The following CACNG2 variants were observed in gnomAD, a reference collection of about 807,000 sequenced individuals.
The protein encoded by CACNG2 is voltage-dependent calcium channel gamma-2 subunit.
Under a neutral mutation model 25.9 loss-of-function variants are expected in CACNG2, and 3 were observed. That is an observed-to-expected ratio of 0.12 (90% confidence interval 0.05 to 0.30). CACNG2 has a LOEUF of 0.30. Ranked by LOEUF, CACNG2 falls within the 10% of genes least tolerant of loss-of-function variation. The probability of loss-of-function intolerance (pLI) is 1.00; values close to 1 mark genes in which losing one functional copy is unlikely to be tolerated. For synonymous variants in CACNG2, 167 were observed against 173.3 expected, an observed-to-expected ratio of 0.96 and a Z score of 0.29; for missense variants, 341 against 432.5, an observed-to-expected ratio of 0.79 and a Z score of 1.88.
chr22:36,608,203 G>A lies in CACNG2; in HGVS notation c.212-20655C>T, dbSNP rs1482682634. On this transcript the variant is annotated intron_variant, in intron 1 of 3. Transcript: ENST00000300105. ...GAAGAGAGAATTTCTACAGTAGCTG[G>A]GATTCTGAGGTTCCTTCTATCCCTT... Among the ~76,000 whole-genome samples the A allele has an allele frequency of 2.5e-4, 38 of 152,104 alleles. 1 individual carries two copies. The highest frequency in any genetic ancestry group is 2.9e-5 in the Non-Finnish European group (2 of 68,010).
intron 1 of CACNG2, among the ~76,000 whole-genome samples, chr22:36,685,803 C>A (rs1253410979): frequency 1.3e-5 from 2 of 152,252 alleles, no homozygotes; most frequent in African/African-American, 4.8e-5. Flanking sequence ...CTCCCTTCCT[C>A]CGTCCATCTT....
intron 1 of CACNG2, among the ~76,000 whole-genome samples, chr22:36,614,090 C>T (rs1935986310): frequency 6.6e-6 from 1 of 152,202 alleles, no homozygotes; most frequent in Admixed American, 6.5e-5. Context: ...AGCTGCCTCT[C>T]CTCAGTGCCT....
intron 1 of CACNG2, among the ~76,000 whole-genome samples, chr22:36,657,726 G>A (rs1045450199): frequency 6.6e-6 from 1 of 151,912 alleles, no homozygotes; most frequent in African/African-American, 2.4e-5. Context: ...GCCCGCAAAT[G>A]GACAGTGGCG....
chr22:36,668,515 A>G (rs9607369), intron 1 of CACNG2, among the ~76,000 whole-genome samples: 36,488 of 149,416 alleles, frequency 0.24, 4,595 homozygotes, highest in Middle Eastern at 0.33. Flanking sequence ...TTGAGATAGG[A>G]TCTTGCTCTG....
At chr22:36,593,738 A>C (rs1199954082) in intron 1 of CACNG2, among the ~76,000 whole-genome samples, 2 of 152,004 alleles carry the variant, frequency 1.3e-5, no homozygotes, top group Non-Finnish European at 2.9e-5. Context: ...ACTGGGATAC[A>C]GGTCACTGTG....
intron 1 of CACNG2, among the ~76,000 whole-genome samples, chr22:36,614,678 C>T (rs752061564): frequency 2.0e-5 from 3 of 152,102 alleles, no homozygotes; most frequent in Non-Finnish European, 4.4e-5. Context: ...GTGGGAGCAG[C>T]AAGTGGTGAG....
rs537809178 is a variant in CACNG2, at chr22:36,664,234, A to G, written c.211+38132T>C. On this transcript the variant is annotated intron_variant, in intron 1 of 3. Transcript: ENST00000300105. Reference sequence around the variant, plus strand: ...AGCCAAGAAGGTCAGACACACACACACACCCATACACACACGCACAGAATG... The same window carrying G: ...AGCCAAGAAGGTCAGACACACACACGCACCCATACACACACGCACAGAATG... Among the ~76,000 whole-genome samples, 8 of 152,120 alleles carry G rather than the reference A, an allele frequency of 5.3e-5. No individual in the cohort carries two copies. In the East Asian group the frequency reaches 1.5e-3, roughly 29 times the overall value.
chr22:36,580,573 T>C (rs904788604), intron 2 of CACNG2, among the ~76,000 whole-genome samples: 3 of 152,050 alleles, frequency 2.0e-5, no homozygotes, highest in Non-Finnish European at 2.9e-5. Context: ...TCACACCCCC[T>C]GGAGGGAGTA....
In CACNG2 at chr22:36,575,774, T is replaced by C. The variant is rs141797673; in HGVS notation, c.296-9281A>G. Among the ~76,000 whole-genome samples the C allele has an allele frequency of 1.8e-4, 27 of 152,238 alleles. No homozygotes were observed. The East Asian group carries it at 5.0e-3, about 28-fold the overall frequency. On this transcript the variant is annotated intron_variant, in intron 2 of 3. Transcript: ENST00000300105. ...CTGCCTTACCTGTTCCCTGTGCGAGTAATGACCTTGAATCAAAATAGTCAC... is the reference window on the plus strand; with the variant it reads ...CTGCCTTACCTGTTCCCTGTGCGAGCAATGACCTTGAATCAAAATAGTCAC...
intron 2 of CACNG2, among the ~76,000 whole-genome samples, chr22:36,574,851 G>T (rs1023359386): frequency 2.6e-5 from 4 of 152,184 alleles, no homozygotes; most frequent in African/African-American, 9.6e-5. Context: ...GAAGATCAAA[G>T]GTTTGGTTTT....
At chr22:36,581,689 T>C (rs1169936098) in intron 2 of CACNG2, among the ~76,000 whole-genome samples, 1 of 152,222 alleles carries the variant, frequency 6.6e-6, no homozygotes, top group Admixed American at 6.5e-5. Context: ...CGTGGTGTCC[T>C]GGAGCTTAGT....
chr22:36,595,301 C>G (rs746443851), intron 1 of CACNG2, among the ~76,000 whole-genome samples: 3 of 152,116 alleles, frequency 2.0e-5, no homozygotes, highest in South Asian at 2.1e-4. Context: ...AGAGAGGGCC[C>G]GAAGCCAGCA....
chr22:36,633,996 G>T (rs1316758662), intron 1 of CACNG2, among the ~76,000 whole-genome samples: 1 of 152,190 alleles, frequency 6.6e-6, no homozygotes, highest in Non-Finnish European at 1.5e-5. Context: ...GGACCCCAGT[G>T]ATGGTTGCCA....
At chr22:36,621,532 C>T (rs1007957508) in intron 1 of CACNG2, among the ~76,000 whole-genome samples, 2 of 149,766 alleles carry the variant, frequency 1.3e-5, no homozygotes, top group South Asian at 4.2e-4. Context: ...ATGGTGCCAC[C>T]GTACTCCAGC....
chr22:36,615,420 T>C (rs1352555360), intron 1 of CACNG2, among the ~76,000 whole-genome samples: 2 of 152,148 alleles, frequency 1.3e-5, no homozygotes, highest in Non-Finnish European at 2.9e-5. Flanking sequence ...CCACACTGGA[T>C]TCCTGATTTC....
At chr22:36,619,484 G>T (rs1936074289) in intron 1 of CACNG2, among the ~76,000 whole-genome samples, 1 of 152,214 alleles carries the variant, frequency 6.6e-6, no homozygotes, top group South Asian at 2.1e-4. Context: ...TGTCTATTGA[G>T]TTCACTACGC....
chr22:36,663,628 G>A (rs1241701093), intron 1 of CACNG2, among the ~76,000 whole-genome samples: 4 of 152,176 alleles, frequency 2.6e-5, no homozygotes, highest in Non-Finnish European at 1.5e-5. Flanking sequence ...TGCGTCGCGA[G>A]GGGGCCTCTC....
At chr22:36,686,792 T>C (rs1053741442) in intron 1 of CACNG2, among the ~76,000 whole-genome samples, 4 of 152,204 alleles carry the variant, frequency 2.6e-5, no homozygotes, top group Non-Finnish European at 5.9e-5. Context: ...TTGGGCCTCA[T>C]GTTCTTCAAA....
intron 1 of CACNG2, among the ~76,000 whole-genome samples, chr22:36,623,002 C>G (rs1158226215): frequency 7.5e-6 from 1 of 134,206 alleles, no homozygotes; most frequent in Non-Finnish European, 1.6e-5. Flanking sequence ...ATTCAGTCTT[C>G]AAAACATGGG....
Sources: gnomAD v4.1 joint callset for allele counts (sites outside exome capture counted in the v4.1 genomes callset) on GRCh38, gnomAD v4.1.1 for gene constraint, MANE v1.5 for transcripts, NCBI Gene and HGNC (gene_info 2026-07-23, HGNC 2026-07-21) for gene names.